The following IFT81 variants were observed in gnomAD, a reference collection of about 807,000 sequenced individuals.
The protein encoded by IFT81 is intraflagellar transport 81, also known as intraflagellar transport protein 81 homolog.
In IFT81, 72 loss-of-function variants were observed where a neutral mutation model predicts 102.6. That is an observed-to-expected ratio of 0.70 (90% CI 0.58 to 0.85). IFT81 has a LOEUF of 0.85. Among genes scored for constraint, IFT81 ranks in the 40% least tolerant of loss-of-function variants. The pLI is 0.00. For synonymous variants in IFT81, 237 were observed against 242.7 expected (o/e 0.98, Z 0.22); for missense variants, 723 against 787.3 (o/e 0.92, Z 0.98).
intron 11 of IFT81, among the ~76,000 whole-genome samples, chr12:110,167,125 CT>C (rs1254444879): frequency 2.8e-4 from 43 of 152,196 alleles, no homozygotes; most frequent in African/African-American, 9.9e-4. Flanking sequence ...AGTTTTAGCT[CT>C]TCTGATTGCA....
intron 10 of IFT81, among the ~76,000 whole-genome samples, chr12:110,149,181 G>C (rs912928933): frequency 6.6e-6 from 1 of 152,160 alleles, no homozygotes; most frequent in African/African-American, 2.4e-5. Flanking sequence ...CTCTAGACCT[G>C]GAATTAGGCT....
chr12:110,165,073 G>A (rs530174735), intron 11 of IFT81, among the ~76,000 whole-genome samples: 3 of 151,540 alleles, frequency 2.0e-5, no homozygotes, highest in South Asian at 2.1e-4. Context: ...AATAGGAGAC[G>A]GATCCAATGA....
intron 12 of IFT81, among the ~76,000 whole-genome samples, chr12:110,187,691 A>G (rs764803385): frequency 6.6e-6 from 1 of 152,152 alleles, no homozygotes; most frequent in Non-Finnish European, 1.5e-5. Flanking sequence ...TTGTTTTTCT[A>G]TAAGGAGGAT....
At chr12:110,215,729 T>C (rs1870031221) in intron 18 of IFT81, among the ~76,000 whole-genome samples, 1 of 151,876 alleles carries the variant, frequency 6.6e-6, no homozygotes, top group Non-Finnish European at 1.5e-5. Flanking sequence ...TTATTGTCTC[T>C]GACTTTGTGT....
intron 8 of IFT81, among the ~76,000 whole-genome samples, chr12:110,138,201 A>C (rs1045146046): frequency 5.3e-5 from 8 of 152,320 alleles, no homozygotes; most frequent in African/African-American, 1.9e-4. Context: ...TACTTCGTTG[A>C]CATCTTTCTG....
In IFT81 at chr12:110,154,373, G is replaced by A. The variant is rs1170362688; in HGVS notation, c.1041+7325G>A. The stretch of plus-strand genomic sequence containing the variant: ...TGGCCGGGTGCGGTGACTCACGCCT[G>A]TAGTCCCAGCACTTTGGGAGGCTGA... On this transcript the variant is annotated intron_variant, in intron 10 of 18. Coordinates refer to ENST00000242591, the MANE Select transcript of IFT81 (RefSeq NM_014055.4). 2.7e-5 allele frequency among the ~76,000 whole-genome samples: 4 copies of A among 150,146 alleles called. No homozygotes were observed. In the East Asian group the frequency reaches 7.7e-4, roughly 29 times the overall value.
rs1238983867 is a variant in IFT81 at position 110,149,311 on chromosome 12, C to A, written c.1041+2263C>A. ...GGGGAGTGGCTCGCTTCTTTAGTGC[C>A]CCACTGCTCAAACCTCTAGAGGAGG... On this transcript the variant is annotated intron_variant, in intron 10 of 18. Coordinates refer to ENST00000242591, the MANE Select transcript of IFT81 (RefSeq NM_014055.4). Among the ~76,000 whole-genome samples the A allele has an allele frequency of 2.6e-5, 4 of 152,242 alleles. No individual in the cohort carries two copies. The East Asian group carries it at 7.7e-4, about 29-fold the overall frequency.
At chr12:110,149,046 T>C (rs1387836084) in intron 10 of IFT81, among the ~76,000 whole-genome samples, 2 of 152,180 alleles carry the variant, frequency 1.3e-5, no homozygotes, top group Non-Finnish European at 2.9e-5. Context: ...ATTGTCCCAG[T>C]TTTGGCTAAT....
chr12:110,209,090 A>G (rs576114084), intron 17 of IFT81, 81 bp from the exon 18 acceptor site: 1 of 732,770 alleles, frequency 1.4e-6, no homozygotes, highest in South Asian at 2.0e-5. Flanking sequence ...TATTTTAGAT[A>G]GATATATTAA....
At chr12:110,190,533 G>A (rs1166490344) in intron 12 of IFT81, among the ~76,000 whole-genome samples, 2 of 151,630 alleles carry the variant, frequency 1.3e-5, no homozygotes, top group Non-Finnish European at 2.9e-5. Flanking sequence ...ATTCACTGCC[G>A]TATACCTGGT....
At chr12:110,202,402 C>T (rs534782952) in intron 14 of IFT81, among the ~76,000 whole-genome samples, 1 of 152,152 alleles carries the variant, frequency 6.6e-6, no homozygotes, top group South Asian at 2.1e-4. Flanking sequence ...AAATTTCCTC[C>T]CTGCCCCCTT....
intron 14 of IFT81, among the ~76,000 whole-genome samples, chr12:110,199,798 G>A (rs564840163): frequency 1.3e-5 from 2 of 152,282 alleles, no homozygotes; most frequent in South Asian, 4.2e-4. Flanking sequence ...TTACTCATCT[G>A]TGCTAACTAT....
chr12:110,208,668 C>T (rs1869006844), intron 17 of IFT81, among the ~76,000 whole-genome samples: 1 of 152,106 alleles, frequency 6.6e-6, no homozygotes. Context: ...CATCTATAGA[C>T]ATTTAGTTTG....
intron 2 of IFT81, 25 bp downstream of exon 2, chr12:110,127,549 A>T (rs201592976): frequency 3.9e-5 from 61 of 1,568,342 alleles, no homozygotes; most frequent in Non-Finnish European, 4.4e-5. Context: ...TTTCTTTTTG[A>T]TGGGTAGCAG....
chr12:110,151,045 T>C (rs1443156890), intron 10 of IFT81, among the ~76,000 whole-genome samples: 1 of 152,152 alleles, frequency 6.6e-6, no homozygotes, highest in Non-Finnish European at 1.5e-5. Context: ...TACCATATAA[T>C]TCACCCATTT....
chr12:110,154,326 CA>C (rs781002575), intron 10 of IFT81, among the ~76,000 whole-genome samples: 523 of 131,892 alleles, frequency 4.0e-3, no homozygotes, highest in Middle Eastern at 3.8e-3. Flanking sequence ...GACACTATCT[CA>C]AAAAAAAAAA....
intron 18 of IFT81, among the ~76,000 whole-genome samples, chr12:110,212,510 C>T (rs1288331116): frequency 6.7e-6 from 1 of 150,134 alleles, no homozygotes; most frequent in Non-Finnish European, 1.5e-5. Context: ...TGCACTCCAG[C>T]CTGTGCGACA....
intron 11 of IFT81, among the ~76,000 whole-genome samples, chr12:110,166,665 T>C (rs183026375): frequency 6.6e-6 from 1 of 151,738 alleles, no homozygotes. Flanking sequence ...TGTAAGAGAC[T>C]ATTGCCATCC....
At chr12:110,140,465 A>G (rs1204056009) in intron 8 of IFT81, among the ~76,000 whole-genome samples, 1 of 152,202 alleles carries the variant, frequency 6.6e-6, no homozygotes, top group Non-Finnish European at 1.5e-5. Context: ...TTCTGTCACT[A>G]TAAATCAGTT....
Sources: allele counts gnomAD v4.1 joint callset (sites outside exome capture counted in the v4.1 genomes callset), GRCh38; gene constraint gnomAD v4.1.1; transcripts MANE v1.5; gene names NCBI Gene and HGNC (gene_info 2026-07-23, HGNC 2026-07-21).